The following ELP3 variants were observed in gnomAD, a reference collection of about 807,000 sequenced individuals.
ELP3 encodes elongator complex protein 3.
Under a neutral mutation model 74.9 loss-of-function variants are expected in ELP3, and 56 were observed. The ratio of observed to expected loss-of-function variants is 0.75; its 90% confidence interval spans 0.60 to 0.93. The LOEUF (loss-of-function observed/expected upper bound fraction) is 0.93, where lower values mean the gene tolerates loss of function less well. Ranked by LOEUF, ELP3 falls within the 40% of genes least tolerant of loss-of-function variation. The pLI is 0.00. For missense variants in ELP3, 573 were observed against 686.5 expected (o/e 0.83, Z 1.85); for synonymous variants, 222 against 239.8 (o/e 0.93, Z 0.68).
chr8:28,148,627 G>A (rs1055004290), intron 10 of ELP3, among the ~76,000 whole-genome samples: 3 of 152,178 alleles, frequency 2.0e-5, no homozygotes, highest in Non-Finnish European at 4.4e-5. Context: ...CTAGTTTACT[G>A]AGAGCTTTTA....
intron 14 of ELP3, among the ~76,000 whole-genome samples, chr8:28,175,231 C>G (rs188249080): frequency 1.9e-4 from 29 of 152,156 alleles, no homozygotes; most frequent in African/African-American, 7.0e-4. Context: ...TTTTTCTACC[C>G]TTTATGTCTC....
At chr8:28,164,505 A>C (rs1194330998) in intron 14 of ELP3, among the ~76,000 whole-genome samples, 2 of 152,094 alleles carry the variant, frequency 1.3e-5, no homozygotes, top group African/African-American at 4.8e-5. Flanking sequence ...ACAGCCCTGG[A>C]ATGCCTTCTT....
chr8:28,178,645 A>C (rs1312255306), intron 14 of ELP3, among the ~76,000 whole-genome samples: 1 of 152,238 alleles, frequency 6.6e-6, no homozygotes, highest in East Asian at 1.9e-4. Flanking sequence ...ACATAAGGAC[A>C]TATTTCTGTA....
chr8:28,137,545 T>G (rs538831765), intron 9 of ELP3, among the ~76,000 whole-genome samples, 153 bp from the exon 10 acceptor site: 4 of 151,972 alleles, frequency 2.6e-5, no homozygotes, highest in Admixed American at 2.6e-4. Flanking sequence ...AAACAAGGAG[T>G]TTCTGTTCTG....
chr8:28,172,727 A>T (rs1390133921), intron 14 of ELP3, among the ~76,000 whole-genome samples: 2 of 151,820 alleles, frequency 1.3e-5, no homozygotes, highest in East Asian at 3.9e-4. Context: ...TCTTAGGGGG[A>T]GAGGTTTCTG....
chr8:28,178,667 T>G (rs1477568315), intron 14 of ELP3, among the ~76,000 whole-genome samples: 1 of 152,216 alleles, frequency 6.6e-6, no homozygotes, highest in Non-Finnish European at 1.5e-5. Context: ...AATGTACACC[T>G]AAGAGTGCAA....
chr8:28,143,260 A>G (rs1813313889), intron 10 of ELP3, among the ~76,000 whole-genome samples: 1 of 151,990 alleles, frequency 6.6e-6, no homozygotes, highest in Non-Finnish European at 1.5e-5. Context: ...GATCTCATAC[A>G]CTTCTTTTTT....
intron 7 of ELP3, among the ~76,000 whole-genome samples, chr8:28,123,262 A>G (rs1011769669): frequency 6.6e-6 from 1 of 152,176 alleles, no homozygotes; most frequent in Non-Finnish European, 1.5e-5. Context: ...CTTTATATAT[A>G]TGTATTTGAT....
chr8:28,157,646 A>G (rs940126014), intron 11 of ELP3, among the ~76,000 whole-genome samples: 13 of 152,208 alleles, frequency 8.5e-5, no homozygotes, highest in Non-Finnish European at 1.2e-4. Flanking sequence ...GACATCATCA[A>G]ATTTCCCACA....
chr8:28,113,036 T>C lies in ELP3; in HGVS notation c.480T>C (p.His160=). The C allele has an allele frequency of 6.2e-7, 1 of 1,613,516 alleles. No individual in the cohort carries two copies. The highest frequency in any genetic ancestry group is 8.5e-7 in the Non-Finnish European group (1 of 1,179,758). Reference sequence around the variant, plus strand: ...TCTTTCAGTTAAAACAACTTGGTCATAGTGTGGATAAAGTGGAGTTTATTG... The same window carrying C: ...TCTTTCAGTTAAAACAACTTGGTCACAGTGTGGATAAAGTGGAGTTTATTG... ...HRIEQLKQLG[H]SVDKVEFIVM... The change falls in exon 7 of 15, where the codon CAT becomes CAC. Residue 160 remains histidine (H), a synonymous_variant. Coordinates refer to ENST00000256398, the MANE Select transcript of ELP3 (RefSeq NM_018091.6).
chr8:28,182,490 G>T (rs748523928), intron 14 of ELP3, among the ~76,000 whole-genome samples: 3 of 152,176 alleles, frequency 2.0e-5, no homozygotes, highest in African/African-American at 4.8e-5. Flanking sequence ...GAAGCTGGGC[G>T]GCAGAGGTTG....
At chr8:28,157,299 A>AC (rs1180962155) in intron 11 of ELP3, among the ~76,000 whole-genome samples, 2 of 152,018 alleles carry the variant, frequency 1.3e-5, no homozygotes, top group Non-Finnish European at 2.9e-5. Flanking sequence ...CAAAAAAAAA[A>AC]AAAAAACAGA....
rs558916746 is a variant in ELP3 at position 28,095,295 on chromosome 8, C to T, written c.20-1924C>T. Among the ~76,000 whole-genome samples, 39 of 152,324 alleles carry T rather than the reference C, an allele frequency of 2.6e-4. 1 individual carries two copies. The South Asian group carries it at 6.4e-3, about 25-fold the overall frequency. ...AGAGCTATACAAGTGGTTTCCAAAT[C>T]TTATCTGTTCTTATCAGCCGATCCC... On this transcript the variant is annotated intron_variant, in intron 1 of 14. Coordinates refer to ENST00000256398, the MANE Select transcript of ELP3 (RefSeq NM_018091.6).
At chr8:28,134,033 C>A (rs1258050926) in intron 9 of ELP3, among the ~76,000 whole-genome samples, 2 of 152,084 alleles carry the variant, frequency 1.3e-5, no homozygotes, top group Admixed American at 6.6e-5. Context: ...TATACATGTG[C>A]CACGTTGGTT....
At chr8:28,155,888 C>T in intron 10 of ELP3, 54 bp from the exon 11 acceptor site, 2 of 1,403,930 alleles carry the variant, frequency 1.4e-6, no homozygotes, top group Non-Finnish European at 2.0e-6. Context: ...TGCCTTACTG[C>T]TGTGGAGAAT....
chr8:28,141,514 A>AT (rs1269853219), intron 10 of ELP3, among the ~76,000 whole-genome samples: 1 of 152,202 alleles, frequency 6.6e-6, no homozygotes, highest in Non-Finnish European at 1.5e-5. Context: ...TGAAACTCAA[A>AT]TGGGGTCTAG....
intron 14 of ELP3, among the ~76,000 whole-genome samples, chr8:28,181,717 C>T (rs890327905): frequency 6.6e-5 from 10 of 152,212 alleles, no homozygotes; most frequent in East Asian, 1.9e-4. Context: ...AGGTGCCAGG[C>T]GCATTAGAAA....
intron 10 of ELP3, among the ~76,000 whole-genome samples, chr8:28,139,045 G>A (rs1308851159): frequency 2.6e-5 from 4 of 152,184 alleles, no homozygotes; most frequent in Non-Finnish European, 4.4e-5. Context: ...GGGAGCCACA[G>A]GGTCCAGAGC....
chr8:28,183,638 T>C (rs1815111006), intron 14 of ELP3, among the ~76,000 whole-genome samples: 1 of 152,182 alleles, frequency 6.6e-6, no homozygotes, highest in Non-Finnish European at 1.5e-5. Flanking sequence ...TTGCCCAGGC[T>C]GGTCTCGAAC....
Sources: allele counts gnomAD v4.1 joint callset (sites outside exome capture counted in the v4.1 genomes callset), GRCh38; gene constraint gnomAD v4.1.1; transcripts MANE v1.5; gene names NCBI Gene and HGNC (gene_info 2026-07-23, HGNC 2026-07-21).